LIAS: variants seen among roughly 807,000 people sequenced by gnomAD.
LIAS encodes lipoic acid synthetase, also known as lipoyl synthase, mitochondrial.
A neutral mutation model predicts 49.4 loss-of-function variants in LIAS; 36 were observed. The ratio of observed to expected loss-of-function variants is 0.73; its 90% CI spans 0.56 to 0.96. The LOEUF (loss-of-function observed/expected upper bound fraction) is 0.96. Ranked by LOEUF, LIAS falls within the 40% of genes least tolerant of loss-of-function variation. The probability of loss-of-function intolerance (pLI) is 0.00; values close to 1 mark genes in which losing one functional copy is unlikely to be tolerated. For missense variants in LIAS, 399 were observed against 456.3 expected, an observed-to-expected ratio of 0.87 and a Z score of 1.14; for synonymous variants, 145 against 155.8, an observed-to-expected ratio of 0.93 and a Z score of 0.52.
At chr4:39,463,498 T>C (rs987131882) in intron 3 of LIAS, 27 bp from the exon 4 acceptor site, 23 of 1,573,796 alleles carry the variant, frequency 1.5e-5, no homozygotes, top group Non-Finnish European at 1.9e-5. Flanking sequence ...GTCAACCTAA[T>C]GGTGTTCCAT....
chr4:39,465,190 G>A lies in LIAS; in HGVS notation c.538G>A (p.Val180Met). ...TCTGGATTATGTTGTCCTGACATCT[G>A]TGGATCGAGATGGTTAGTGTGTCAT... ...WGLDYVVLTS[V>M]DRDDMPDGGA... is the part of the protein sequence containing the mutation. The change falls in exon 5 of 11, where the codon GTG becomes ATG. Residue 180 changes from valine (V) to methionine (M), a missense_variant. Around this residue, in one of 3 missense-constraint regions of LIAS, gnomAD observed 234 missense variants for 292.2 expected, o/e 0.80. Coordinates refer to ENST00000640888, the MANE Select transcript of LIAS (RefSeq NM_006859.4). 5 of 1,613,800 alleles carry A rather than the reference G, an allele frequency of 3.1e-6. No homozygotes were observed. Among genetic ancestry groups the A allele is most frequent in the Non-Finnish European group, 4.2e-6 (5 of 1,179,720 alleles).
chr4:39,476,919 C>T lies in LIAS; in HGVS notation c.1067-144C>T, dbSNP rs1745213424. On this transcript the variant is annotated intron_variant, in intron 10 of 10. Transcript: ENST00000640888. Reference sequence around the variant, plus strand: ...GATATTTAGGTTAGAAAAATATTGCCATTGAGGTTTGAGAAGAGAGAAGTG... The same window carrying T: ...GATATTTAGGTTAGAAAAATATTGCTATTGAGGTTTGAGAAGAGAGAAGTG... The T allele has an allele frequency of 6.8e-6, 4 of 592,020 alleles. No individual in the cohort carries two copies. In the Admixed American group the frequency reaches 1.0e-4, roughly 15 times the overall value. 36.7% of individuals were successfully genotyped at this position (592,020 alleles called of 1,614,324 possible).
chr4:39,462,059 C>T (rs2109870127), intron 2 of LIAS, 137 bp from the exon 3 acceptor site: 1 of 385,064 alleles, frequency 2.6e-6, no homozygotes, highest in African/African-American at 2.1e-5. Context: ...ACTCCTATGA[C>T]AGAAATTATA....
At chr4:39,473,806 A>G (rs914510027) in intron 10 of LIAS, 2 of 152,214 alleles carry the variant, frequency 1.3e-5, no homozygotes, top group Non-Finnish European at 2.9e-5. Flanking sequence ...ATTTTAATCA[A>G]TAGCTTGAAT....
rs1745233032 is a variant in LIAS at position 39,477,406 on chromosome 4, G to A, written c.*291G>A. 2 of 262,438 alleles carry A rather than the reference G, an allele frequency of 7.6e-6. No homozygotes were observed. The highest frequency in any genetic ancestry group is 6.0e-5 in the Admixed American group (1 of 16,698). 16.3% of individuals were successfully genotyped at this position (262,438 alleles called of 1,614,324 possible). ...TAGTCAGGCGTGGTAGTGGGTGCCT[G>A]TAATCCCAGCTACTCGGGAGGCTAA... On this transcript the variant is annotated 3_prime_UTR_variant, in exon 11 of 11. Transcript: ENST00000640888.
chr4:39,463,275 G>T (rs1744613590), intron 3 of LIAS, among the ~76,000 whole-genome samples: 1 of 152,000 alleles, frequency 6.6e-6, no homozygotes, highest in Admixed American at 6.6e-5. Context: ...GTAGAGGCAG[G>T]ATTTCACTAT....
chr4:39,473,828 A>G (rs1490283389), intron 10 of LIAS: 1 of 152,236 alleles, frequency 6.6e-6, no homozygotes, highest in East Asian at 1.9e-4. Context: ...GATTTATGAA[A>G]AGAAAATCAT....
Position 39,459,088 on chromosome 4 carries a change from C to G in LIAS, c.-30C>G, listed in dbSNP as rs760755406. On this transcript the variant is annotated 5_prime_UTR_variant, in exon 1 of 11. Coordinates refer to ENST00000640888, the MANE Select transcript of LIAS (RefSeq NM_006859.4). ...TTCCCGGGAGTTAGCGATCCCTCAA[C>G]CCCTGCACTGCGCTAGTCCTAAAGA... 3 of 1,613,878 alleles carry G rather than the reference C, an allele frequency of 1.9e-6. No homozygotes were observed. The highest frequency in any genetic ancestry group is 3.3e-5 in the Admixed American group (2 of 60,028).
rs1023595875 is a variant in LIAS, at chr4:39,478,042, T to C, written c.*927T>C. 2.6e-5 allele frequency: 4 copies of C among 152,198 alleles called. No individual in the cohort carries two copies. In the East Asian group the frequency reaches 7.7e-4, roughly 29 times the overall value. 9.4% of individuals were successfully genotyped at this position (152,198 alleles called of 1,614,324 possible). On this transcript the variant is annotated 3_prime_UTR_variant, in exon 11 of 11. Transcript: ENST00000640888. ...CCACTGTTAACATCATTACATTTCA[T>C]TTATGAAAAATAAAAACTTCATTTA... is the stretch of plus-strand genomic sequence containing the variant.
At chr4:39,465,394 G>T (rs771172939) in intron 6 of LIAS, 52 bp downstream of exon 6, 6 of 1,503,088 alleles carry the variant, frequency 4.0e-6, no homozygotes, top group Non-Finnish European at 5.4e-6. Context: ...ACCCATATGA[G>T]TTAAGTTTAA....
intron 7 of LIAS, chr4:39,469,168 T>C (rs1744887971): frequency 6.6e-6 from 1 of 152,234 alleles, no homozygotes; most frequent in Admixed American, 6.5e-5. Context: ...GAAGTTACAG[T>C]AAACAATAAC....
Position 39,478,655 on chromosome 4 carries a change from T to C in LIAS, c.*1540T>C, listed in dbSNP as rs772318895. ...TAGAACCTAGAAATATTAACCCTTATTTGTATAGTAGCTTGCTAAATCCAC... is the reference window on the plus strand; with the variant it reads ...TAGAACCTAGAAATATTAACCCTTACTTGTATAGTAGCTTGCTAAATCCAC... On this transcript the variant is annotated 3_prime_UTR_variant, in exon 11 of 11. Transcript: ENST00000640888. 6.6e-6 allele frequency: 1 copy of C among 152,194 alleles called. No individual in the cohort carries two copies. The highest frequency in any genetic ancestry group is 2.4e-5 in the African/African-American group (1 of 41,456). The allele number at this position is 152,194 out of a possible 1,614,324, so 9.4% of individuals were successfully genotyped here.
intron 9 of LIAS, among the ~76,000 whole-genome samples, chr4:39,471,727 T>C (rs916655210): frequency 2.0e-5 from 3 of 151,258 alleles, no homozygotes; most frequent in South Asian, 2.1e-4. Flanking sequence ...GATTTTGCCA[T>C]GTTGCCCAGG....
At chr4:39,459,347 G>C in intron 1 of LIAS, 185 bp downstream of exon 1, 1 of 618,012 alleles carries the variant, frequency 1.6e-6, no homozygotes, top group Non-Finnish European at 2.8e-6. Flanking sequence ...AGAGTCTCTG[G>C]CATCAGTTTG....
intron 10 of LIAS, chr4:39,473,650 G>A (rs1015856355): frequency 3.3e-5 from 5 of 152,404 alleles, no homozygotes; most frequent in African/African-American, 1.2e-4. Context: ...TTATTTGATA[G>A]CATTGCTTGC....
In LIAS at chr4:39,477,230, A is replaced by G; in HGVS notation, c.*115A>G. 4 of 746,882 alleles carry G rather than the reference A, an allele frequency of 5.4e-6. No homozygotes were observed. The highest frequency in any genetic ancestry group is 8.7e-6 in the Non-Finnish European group (4 of 457,744). The allele number at this position is 746,882 out of a possible 1,614,324, so 46.3% of individuals were successfully genotyped here. ...TGGATGTGCCCCACCTCTTTGCTTA[A>G]AAAAAAAAATGTCAATAGCCAGGCA... On this transcript the variant is annotated 3_prime_UTR_variant, in exon 11 of 11. Transcript: ENST00000640888.
Position 39,462,303 on chromosome 4 carries a change from G to T in LIAS, c.312+14G>T, listed in dbSNP as rs1744545406. 2.3e-6 allele frequency: 3 copies of T among 1,325,986 alleles called. No homozygotes were observed. The African/African-American group carries it at 4.5e-5, about 20-fold the overall frequency. The allele number at this position is 1,325,986 out of a possible 1,614,324, so 82.1% of individuals were successfully genotyped here. ...AATCTCCATACAGTAAGTTGTCAAA[G>T]TGTAAACTATCCCTCTTCACCAAAA... On this transcript the variant is annotated intron_variant, in intron 3 of 10. Coordinates refer to ENST00000640888, the MANE Select transcript of LIAS (RefSeq NM_006859.4).
rs536239528 is a variant in LIAS, at chr4:39,462,097, T to A, written c.219-99T>A. The stretch of plus-strand genomic sequence containing the variant: ...AGTTATTCTAAGGTTATAGAAAAAA[T>A]TATTAACTAGGAATTGTAATAGAAG... On this transcript the variant is annotated intron_variant, in intron 2 of 10. Coordinates refer to ENST00000640888, the MANE Select transcript of LIAS (RefSeq NM_006859.4). 8 of 467,436 alleles carry A rather than the reference T, an allele frequency of 1.7e-5. No individual in the cohort carries two copies. In the South Asian group the frequency reaches 3.0e-4, roughly 17 times the overall value. The allele number at this position is 467,436 out of a possible 1,614,324, so 29.0% of individuals were successfully genotyped here. A position where few individuals can be genotyped will look rare whatever the true frequency, so the allele number is the denominator to read the frequency against.
At position 39,471,199 on chromosome 4, in the gene LIAS, G is replaced by T. The variant is rs1012174837; in HGVS notation, c.884-37G>T. 3 of 1,469,808 alleles carry T rather than the reference G, an allele frequency of 2.0e-6. No homozygotes were observed. In the East Asian group the frequency reaches 6.8e-5, roughly 33 times the overall value. The allele number at this position is 1,469,808 out of a possible 1,614,324, so 91.0% of individuals were successfully genotyped here. A position where few individuals can be genotyped will look rare whatever the true frequency, so the allele number is the denominator to read the frequency against. On this transcript the variant is annotated intron_variant, in intron 8 of 10. Coordinates refer to ENST00000640888, the MANE Select transcript of LIAS (RefSeq NM_006859.4). ...AATTATGCTTAGATCTACAATTAAA[G>T]TATTTGCTAATGTAATTTGTGCTTT...
Sources: allele counts gnomAD v4.1 joint callset (sites outside exome capture counted in the v4.1 genomes callset), GRCh38; gene constraint gnomAD v4.1.1; regional missense constraint gnomAD v4.1.1; transcripts MANE v1.5; gene names NCBI Gene and HGNC (gene_info 2026-07-23, HGNC 2026-07-21).